TP53I11: variants seen among roughly 807,000 people sequenced by gnomAD.
TP53I11 encodes tumor protein p53-inducible protein 11.
In TP53I11, 9 loss-of-function variants were observed where a neutral mutation model predicts 23.3. That is an observed-to-expected ratio of 0.39 (90% CI 0.23 to 0.67). The LOEUF (loss-of-function observed/expected upper bound fraction) is 0.67, where lower values mean the gene tolerates loss of function less well. Among genes scored for constraint, TP53I11 ranks in the 30% least tolerant of loss-of-function variants. TP53I11 has a pLI of 0.48. For synonymous variants in TP53I11, 100 were observed against 106.1 expected (o/e 0.94, Z 0.35); for missense variants, 170 against 255.2 (o/e 0.67, Z 2.27).
At chr11:44,950,625 G>GC (rs1674839471) in intron 1 of TP53I11, 52 bp downstream of exon 1, 1 of 152,138 alleles carries the variant, frequency 6.6e-6, no homozygotes, top group African/African-American at 2.4e-5. Flanking sequence ...GCGGCGGGCG[G>GC]CGGGAGGGGA....
In TP53I11 at chr11:44,938,188, C is replaced by A; in HGVS notation, c.129+19G>T. 6.2e-7 allele frequency: 1 copy of A among 1,608,390 alleles called. No individual in the cohort carries two copies. The highest frequency in any genetic ancestry group is 1.1e-5 in the South Asian group (1 of 90,170). ...TGGCCTCCCCAGTGGGTGCCGGAGG[C>A]CCCTGCTCTGCACCCCACCTTGGAG... is the stretch of plus-strand genomic sequence containing the variant. On this transcript the variant is annotated intron_variant, in intron 2 of 6. Transcript: ENST00000525680.
At chr11:44,935,692 G>C (rs1280137237) in intron 5 of TP53I11, 30 bp from the exon 6 acceptor site, 1 of 1,343,774 alleles carries the variant, frequency 7.4e-7, no homozygotes, top group Non-Finnish European at 1.1e-6. Context: ...GGGGGCTGGG[G>C]GTGGGACAGC....
At position 44,932,980 on chromosome 11, in the gene TP53I11, T is replaced by C. The variant is rs1416821979; in HGVS notation, c.*1904A>G. The stretch of plus-strand genomic sequence containing the variant: ...GATTAGGCCTGGCTCAGATGGGGGA[T>C]TGAGGCTTCGGCCTGAGGGCACTGC... On this transcript the variant is annotated 3_prime_UTR_variant, in exon 7 of 7. Coordinates refer to ENST00000525680, the MANE Select transcript of TP53I11 (RefSeq NM_006034.5). The C allele has an allele frequency of 1.3e-5, 2 of 152,180 alleles. No homozygotes were observed. The highest frequency in any genetic ancestry group is 1.3e-4 in the Admixed American group (2 of 15,270). The allele number at this position is 152,180 out of a possible 1,614,324, so 9.4% of individuals were successfully genotyped here. A position where few individuals can be genotyped will look rare whatever the true frequency, so the allele number is the denominator to read the frequency against.
At chr11:44,945,556 C>G (rs1039043226) in intron 1 of TP53I11, among the ~76,000 whole-genome samples, 5 of 152,040 alleles carry the variant, frequency 3.3e-5, no homozygotes, top group African/African-American at 1.2e-4. Flanking sequence ...GCAACTCCCC[C>G]GGAAAGTCCC....
chr11:44,947,141 A>T lies in TP53I11; in HGVS notation c.-32+3536T>A, dbSNP rs771105922. 3.4e-4 allele frequency: 155 copies of T among 455,680 alleles called. 2 individuals carry two copies. The highest frequency in any genetic ancestry group is 2.3e-3 in the South Asian group (151 of 64,544). 28.2% of individuals were successfully genotyped at this position (455,680 alleles called of 1,614,324 possible). ...TGAAGCTGCTGCTGTGGGCAAGGGG[A>T]TCAGGCCCTCTGATGGCCTCCATCA... On this transcript the variant is annotated intron_variant, in intron 1 of 6. Coordinates refer to ENST00000525680, the MANE Select transcript of TP53I11 (RefSeq NM_006034.5).
intron 1 of TP53I11, among the ~76,000 whole-genome samples, chr11:44,949,076 TG>T (rs1031658513): frequency 1.3e-5 from 2 of 152,024 alleles, no homozygotes; most frequent in African/African-American, 4.8e-5. Context: ...CCTGGGATGG[TG>T]GGGACAGAGG....
In TP53I11 at chr11:44,946,948, AG is replaced by A. The variant is rs2135509490; in HGVS notation, c.-32+3728del. 6.4e-5 allele frequency: 29 copies of A among 449,782 alleles called. 1 individual carries two copies. Among genetic ancestry groups the A allele is most frequent in the South Asian group, 4.2e-4 (27 of 64,048 alleles). 27.9% of individuals were successfully genotyped at this position (449,782 alleles called of 1,614,324 possible). On this transcript the variant is annotated intron_variant, in intron 1 of 6. Coordinates refer to ENST00000525680, the MANE Select transcript of TP53I11 (RefSeq NM_006034.5). ...CTATCTTCCTACTCTTTCTTTTTGA[AG>A]GGGCCCAATTTCCAGAAAGGCAGAG...
intron 4 of TP53I11, 199 bp downstream of exon 4, chr11:44,937,105 A>C: frequency 1.3e-6 from 1 of 787,188 alleles, no homozygotes; most frequent in Non-Finnish European, 2.1e-6. Context: ...GTCAGGCCAC[A>C]AACCATGGGA....
At position 44,938,231 on chromosome 11, in the gene TP53I11, G is replaced by T. The variant is rs564424905; in HGVS notation, c.105C>A (p.Asp35Glu). The change falls in exon 2 of 7, where the codon GAC becomes GAA. Residue 35 changes from aspartate to glutamate, a missense_variant. Transcript: ENST00000525680. ...RKILGVGGED[D>E]DGEVHRSKIS... Reference sequence around the variant, plus strand: ...CCTTGGAGCGATGCACCTCCCCGTCGTCATCCTCCCCGCCCACGCCGAGGA... The same window carrying T: ...CCTTGGAGCGATGCACCTCCCCGTCTTCATCCTCCCCGCCCACGCCGAGGA... 1.9e-6 allele frequency: 3 copies of T among 1,612,994 alleles called. No homozygotes were observed. The highest frequency in any genetic ancestry group is 8.5e-7 in the Non-Finnish European group (1 of 1,179,688).
chr11:44,935,294 G>A (rs1860965977), intron 6 of TP53I11, among the ~76,000 whole-genome samples: 1 of 142,202 alleles, frequency 7.0e-6, no homozygotes, highest in South Asian at 2.1e-4. Flanking sequence ...GGCAGTGGGT[G>A]TGGGGGGGCC....
chr11:44,932,886 CG>C lies in TP53I11; in HGVS notation c.*1997del, dbSNP rs1860687842. The C allele has an allele frequency of 6.6e-6, 1 of 152,344 alleles. No homozygotes were observed. 9.4% of individuals were successfully genotyped at this position (152,344 alleles called of 1,614,324 possible). A position where few individuals can be genotyped will look rare whatever the true frequency, so the allele number is the denominator to read the frequency against. On this transcript the variant is annotated 3_prime_UTR_variant, in exon 7 of 7. Coordinates refer to ENST00000525680, the MANE Select transcript of TP53I11 (RefSeq NM_006034.5). ...TCTCAGGGCCAGCAGACGCCCGACACGCAGCCTCATTCCCCAGGTGGAATCC... is the reference window on the plus strand; with the variant it reads ...TCTCAGGGCCAGCAGACGCCCGACACCAGCCTCATTCCCCAGGTGGAATCC...
At chr11:44,937,203 T>C in intron 4 of TP53I11, 101 bp downstream of exon 4, 1 of 1,447,394 alleles carries the variant, frequency 6.9e-7, no homozygotes, top group South Asian at 1.2e-5. Flanking sequence ...GATGGGCCCC[T>C]GCACGAGGGG....
In TP53I11 at chr11:44,936,574, G is replaced by A. The variant is rs1861131888; in HGVS notation, c.334+229C>T. On this transcript the variant is annotated intron_variant, in intron 5 of 6. Transcript: ENST00000525680. The surrounding 1 kb of genome is among the most constrained non-coding windows in gnomAD (Gnocchi z 4.4). ...GTGCACACACTTATGAGCGCTCCTT[G>A]CAGATGGTGGCGACTGCAAGCTCCA... The A allele has an allele frequency of 1.6e-5, 21 of 1,309,698 alleles. No homozygotes were observed. The highest frequency in any genetic ancestry group is 2.0e-5 in the Non-Finnish European group (21 of 1,029,938). 81.1% of individuals were successfully genotyped at this position (1,309,698 alleles called of 1,614,324 possible).
rs74407868 is a variant in TP53I11 at position 44,940,310 on chromosome 11, T to C, written c.-31-1944A>G. Among the ~76,000 whole-genome samples, 440 of 152,338 alleles carry C rather than the reference T, an allele frequency of 2.9e-3. 2 individuals carry two copies. The highest frequency in any genetic ancestry group is 0.01 in the African/African-American group (421 of 41,576). Reference sequence around the variant, plus strand: ...TTGACGGGCTTCAGTTGTGCAGTTATTTGAATGTTAGCACACGTATAGATT... The same window carrying C: ...TTGACGGGCTTCAGTTGTGCAGTTACTTGAATGTTAGCACACGTATAGATT... On this transcript the variant is annotated intron_variant, in intron 1 of 6. Transcript: ENST00000525680.
Position 44,936,568 on chromosome 11 carries a change from C to A in TP53I11, c.334+235G>T. 7.6e-7 allele frequency: 1 copy of A among 1,307,874 alleles called. No homozygotes were observed. The highest frequency in any genetic ancestry group is 2.3e-5 in the South Asian group (1 of 43,808). The allele number at this position is 1,307,874 out of a possible 1,614,324, so 81.0% of individuals were successfully genotyped here. ...GAGGCAGTGCACACACTTATGAGCG[C>A]TCCTTGCAGATGGTGGCGACTGCAA... On this transcript the variant is annotated intron_variant, in intron 5 of 6. Transcript: ENST00000525680. The surrounding 1 kb of genome is among the most constrained non-coding windows in gnomAD (Gnocchi z 4.4).
At chr11:44,949,464 T>C (rs1368408923) in intron 1 of TP53I11, among the ~76,000 whole-genome samples, 1 of 152,196 alleles carries the variant, frequency 6.6e-6, no homozygotes, top group Non-Finnish European at 1.5e-5. Context: ...CCAGCCGCTC[T>C]GGGCTTTGGA....
rs1473510761 is a variant in TP53I11 at position 44,936,431 on chromosome 11, T to C, written c.334+372A>G. The stretch of plus-strand genomic sequence containing the variant: ...AACAGAAGTGGCTCTGGGGATAAAA[T>C]AGGGGGGGTGCGAGGGGTTTTGCAG... On this transcript the variant is annotated intron_variant, in intron 5 of 6. Coordinates refer to ENST00000525680, the MANE Select transcript of TP53I11 (RefSeq NM_006034.5). The surrounding 1 kb of genome is among the most constrained non-coding windows in gnomAD (Gnocchi z 4.4). 12 of 1,232,030 alleles carry C rather than the reference T, an allele frequency of 9.7e-6. No homozygotes were observed. Among genetic ancestry groups the C allele is most frequent in the South Asian group, 4.2e-5 (1 of 23,824 alleles). The allele number at this position is 1,232,030 out of a possible 1,614,324, so 76.3% of individuals were successfully genotyped here.
chr11:44,932,965 G>GGCTC lies in TP53I11; in HGVS notation c.*1915_*1918dup, dbSNP rs1451899559. 1 of 152,290 alleles carries GGCTC rather than the reference G, an allele frequency of 6.6e-6. No homozygotes were observed. Among genetic ancestry groups the GGCTC allele is most frequent in the Non-Finnish European group, 1.5e-5 (1 of 68,086 alleles). The allele number at this position is 152,290 out of a possible 1,614,324, so 9.4% of individuals were successfully genotyped here. On this transcript the variant is annotated 3_prime_UTR_variant, in exon 7 of 7. Coordinates refer to ENST00000525680, the MANE Select transcript of TP53I11 (RefSeq NM_006034.5). Reference sequence around the variant, plus strand: ...CCATCACTATTAGAGGATTAGGCCTGGCTCAGATGGGGGATTGAGGCTTCG... The same window carrying GGCTC: ...CCATCACTATTAGAGGATTAGGCCTGGCTCGCTCAGATGGGGGATTGAGGCTTCG...
At chr11:44,946,416 G>T (rs1051449192) in intron 1 of TP53I11, among the ~76,000 whole-genome samples, 1 of 152,202 alleles carries the variant, frequency 6.6e-6, no homozygotes, top group Non-Finnish European at 1.5e-5. Context: ...GTGGAGGGCG[G>T]AGCTGCAGCA....
Sources: allele counts gnomAD v4.1 joint callset (sites outside exome capture counted in the v4.1 genomes callset), GRCh38; gene constraint gnomAD v4.1.1; non-coding constraint Gnocchi (gnomAD v3.1); transcripts MANE v1.5; gene names NCBI Gene and HGNC (gene_info 2026-07-23, HGNC 2026-07-21).